RP1: variants seen among roughly 807,000 people sequenced by gnomAD.
The protein encoded by RP1 is RP1 axonemal microtubule associated.
In RP1, 16 loss-of-function variants were observed where a neutral mutation model predicts 14.8. The ratio of observed to expected loss-of-function variants is 1.08; its 90% CI spans 0.73 to 1.65. The LOEUF (loss-of-function observed/expected upper bound fraction) is 1.65, where lower values mean the gene tolerates loss of function less well. Among genes scored for constraint, RP1 ranks in the 40% most tolerant of loss-of-function variants. The pLI is 0.00. For synonymous variants in RP1, 876 were observed against 883.6 expected (o/e 0.99, Z 0.15); for missense variants, 2,631 against 2,535.0 (o/e 1.04, Z -0.81).
At chr8:54,836,623 G>A (rs1229519496) in intron 24 of RP1, among the ~76,000 whole-genome samples, 1 of 152,166 alleles carries the variant, frequency 6.6e-6, no homozygotes, top group Non-Finnish European at 1.5e-5. Flanking sequence ...CCTGCTAACA[G>A]CGTGAATAAG....
At chr8:54,633,741 A>C (rs200146346), downstream of RP1, among the ~76,000 whole-genome samples, 11,297 of 113,148 alleles carry the variant, frequency 0.1, 450 homozygotes, top group East Asian at 0.16. Context: ...CTCTCTCTAT[A>C]TATATATATA....
chr8:54,609,620 G>A (rs569330282), intron 1 of RP1, among the ~76,000 whole-genome samples: 1 of 152,244 alleles, frequency 6.6e-6, no homozygotes, highest in South Asian at 2.1e-4. Context: ...TCCACTGGGT[G>A]ACTATTTCAC....
chr8:54,575,230 T>G (rs895318837), intron 1 of RP1, among the ~76,000 whole-genome samples: 2 of 152,182 alleles, frequency 1.3e-5, no homozygotes, highest in Non-Finnish European at 2.9e-5. Context: ...CAGATGCTCT[T>G]ATGATGATCT....
intron 19 of RP1, among the ~76,000 whole-genome samples, chr8:54,747,438 A>G (rs766587781): frequency 6.6e-6 from 1 of 152,192 alleles, no homozygotes; most frequent in African/African-American, 2.4e-5. Context: ...ATATTTGTTC[A>G]TAGTCCGACT....
At chr8:54,667,584 T>A (rs1807048093) in intron 7 of RP1, among the ~76,000 whole-genome samples, 1 of 152,104 alleles carries the variant, frequency 6.6e-6, no homozygotes, top group African/African-American at 2.4e-5. Flanking sequence ...TGGGATGTGG[T>A]TTGCGGCAGG....
At chr8:54,684,820 TGAGATC>T (rs1807520216) in intron 12 of RP1, among the ~76,000 whole-genome samples, 1 of 152,130 alleles carries the variant, frequency 6.6e-6, no homozygotes, top group Non-Finnish European at 1.5e-5. Flanking sequence ...TAAAAAGGAA[TGAGATC>T]ATGCCCTTTG....
intron 24 of RP1, among the ~76,000 whole-genome samples, chr8:54,815,112 T>C (rs1051962854): frequency 6.6e-6 from 1 of 152,276 alleles, no homozygotes; most frequent in Non-Finnish European, 1.5e-5. Context: ...AATATGCTTA[T>C]TTAATAACTC....
intron 17 of RP1, among the ~76,000 whole-genome samples, chr8:54,733,355 T>G (rs1197029082): frequency 6.6e-6 from 1 of 152,166 alleles, no homozygotes; most frequent in Non-Finnish European, 1.5e-5. Flanking sequence ...TAAAAACAAT[T>G]AAATTGTTCA....
chr8:54,789,581 C>A (rs1265304122), intron 24 of RP1, among the ~76,000 whole-genome samples: 2 of 152,146 alleles, frequency 1.3e-5, no homozygotes, highest in Non-Finnish European at 2.9e-5. Context: ...ACCGTGAAGC[C>A]CAGTCTATGG....
intron 3 of RP1, among the ~76,000 whole-genome samples, chr8:54,648,320 A>G (rs920929714): frequency 1.3e-5 from 2 of 152,262 alleles, no homozygotes; most frequent in East Asian, 3.9e-4. Context: ...ATATCATACC[A>G]CTATTAATGT....
At chr8:54,809,466 T>C (rs1218130229) in intron 24 of RP1, among the ~76,000 whole-genome samples, 1 of 152,194 alleles carries the variant, frequency 6.6e-6, no homozygotes, top group African/African-American at 2.4e-5. Context: ...CTGAATTATG[T>C]ATTAATAAAA....
At chr8:54,576,255 A>G (rs1804639559) in intron 1 of RP1, among the ~76,000 whole-genome samples, 1 of 152,088 alleles carries the variant, frequency 6.6e-6, no homozygotes. Flanking sequence ...CATGTTAGCC[A>G]GGATGAGTCT....
At chr8:54,702,806 A>G (rs891572222) in intron 14 of RP1, among the ~76,000 whole-genome samples, 6 of 152,202 alleles carry the variant, frequency 3.9e-5, no homozygotes, top group Admixed American at 2.0e-4. Flanking sequence ...AGTTTATTTA[A>G]TAGTCTGAAT....
chr8:54,861,664 G>A (rs1288196407), intron 27 of RP1, among the ~76,000 whole-genome samples: 1 of 151,954 alleles, frequency 6.6e-6, no homozygotes, highest in African/African-American at 2.4e-5. Context: ...GTACAGTGGT[G>A]TGATCTTGGC....
At chr8:54,679,390 A>G (rs1182891227) in intron 9 of RP1, 1 of 1,521,172 alleles carries the variant, frequency 6.6e-7, no homozygotes, top group African/African-American at 1.4e-5. Flanking sequence ...ATAAAGTCTG[A>G]AAATAATCGA....
At position 54,701,639 on chromosome 8, in the gene RP1, A is replaced by C. The variant is rs1414470291; in HGVS notation, c.1975A>C (p.Lys659Gln). The change falls in exon 14 of 23, where the codon AAA becomes CAA. Residue 659 changes from lysine to glutamine, a missense_variant. Coordinates refer to the RP1 transcript ENST00000636932. ...ATCAGCAGGCTATGCAAATCTTTCA[A>C]AAGAATTTGTGATTTTTGTCAAGGT... 4 of 1,534,668 alleles carry C rather than the reference A, an allele frequency of 2.6e-6. No individual in the cohort carries two copies. The African/African-American group carries it at 5.5e-5, about 21-fold the overall frequency.
chr8:54,819,307 C>G (rs1811203056), intron 24 of RP1, among the ~76,000 whole-genome samples: 1 of 151,804 alleles, frequency 6.6e-6, no homozygotes, highest in Non-Finnish European at 1.5e-5. Context: ...TTTGCTTGAT[C>G]TTTTTTATTA....
At chr8:54,867,531 A>G (rs890783198) in intron 28 of RP1, among the ~76,000 whole-genome samples, 18 of 152,324 alleles carry the variant, frequency 1.2e-4, no homozygotes, top group Admixed American at 7.8e-4. Flanking sequence ...GTAAAATGGC[A>G]GTAATGACAC....
chr8:54,663,936 G>A, intron 7 of RP1: 1 of 1,268,398 alleles, frequency 7.9e-7, no homozygotes, highest in Non-Finnish European at 1.0e-6. Flanking sequence ...TATTCTAAGA[G>A]TTTTTAATTT....
Sources: gnomAD v4.1 joint callset for allele counts (sites outside exome capture counted in the v4.1 genomes callset) on GRCh38, gnomAD v4.1.1 for gene constraint, MANE v1.5 for transcripts, NCBI Gene and HGNC (gene_info 2026-07-23, HGNC 2026-07-21) for gene names.